The following LRP12 variants were observed in gnomAD, a reference collection of about 807,000 sequenced individuals.
LRP12 encodes low-density lipoprotein receptor-related protein 12.
LRP12 carries 14 observed loss-of-function variants against 66.0 expected under a neutral mutation model. The ratio of observed to expected loss-of-function variants is 0.21; its 90% CI spans 0.14 to 0.33. The LOEUF (loss-of-function observed/expected upper bound fraction) is 0.33, where lower values mean the gene tolerates loss of function less well. Ranked by LOEUF, LRP12 falls within the 10% of genes least tolerant of loss-of-function variation. LRP12 has a pLI of 1.00. For synonymous variants in LRP12, 357 were observed against 359.1 expected (o/e 0.99, Z 0.07); for missense variants, 889 against 1,053.4 (o/e 0.84, Z 2.16).
chr8:104,572,853 A>G (rs1812103819), intron 1 of LRP12, among the ~76,000 whole-genome samples: 1 of 152,130 alleles, frequency 6.6e-6, no homozygotes, highest in African/African-American at 2.4e-5. Context: ...TAAAAAACAT[A>G]ATTTCTATTT....
intron 3 of LRP12, chr8:104,507,264 A>T (rs956069254): frequency 6.6e-6 from 1 of 152,188 alleles, no homozygotes; most frequent in African/African-American, 2.4e-5. Flanking sequence ...TACTAAAATC[A>T]CCTTCTGATC....
intron 1 of LRP12, among the ~76,000 whole-genome samples, chr8:104,584,885 T>C (rs900545930): frequency 4.6e-5 from 7 of 152,224 alleles, no homozygotes; most frequent in Non-Finnish European, 8.8e-5. Context: ...CTTTCTAAAA[T>C]TGGAATTTCT....
chr8:104,508,158 C>T (rs529977899), intron 3 of LRP12: 8 of 152,116 alleles, frequency 5.3e-5, no homozygotes, highest in East Asian at 1.9e-4. Flanking sequence ...GTTCTTCATT[C>T]GGGCTATTTT....
At chr8:104,514,067 A>C (rs1453823406) in intron 2 of LRP12, among the ~76,000 whole-genome samples, 2 of 152,278 alleles carry the variant, frequency 1.3e-5, no homozygotes, top group East Asian at 3.9e-4. Flanking sequence ...GTTTTCAAGA[A>C]TTTTCAAGGA....
intron 3 of LRP12, chr8:104,505,992 A>T (rs1199521434): frequency 6.6e-6 from 1 of 152,098 alleles, no homozygotes; most frequent in East Asian, 1.9e-4. Context: ...AGCACTGGCC[A>T]CTCCACCACT....
At chr8:104,551,310 T>C (rs1811721890) in intron 1 of LRP12, among the ~76,000 whole-genome samples, 1 of 152,176 alleles carries the variant, frequency 6.6e-6, no homozygotes, top group African/African-American at 2.4e-5. Context: ...TTAGTACGTA[T>C]TGAGTTATAA....
intron 1 of LRP12, among the ~76,000 whole-genome samples, chr8:104,548,168 T>TA (rs1188655431): frequency 0.12 from 6,915 of 57,948 alleles, 313 homozygotes; most frequent in Admixed American, 0.14. Context: ...AATTATTATA[T>TA]ATAATATAAT....
At chr8:104,536,352 G>A (rs1047960196) in intron 1 of LRP12, among the ~76,000 whole-genome samples, 1 of 151,866 alleles carries the variant, frequency 6.6e-6, no homozygotes, top group Non-Finnish European at 1.5e-5. Context: ...GACTCCTTTA[G>A]CATCTGACAC....
chr8:104,504,768 T>C (rs527829450), intron 3 of LRP12: 1 of 152,182 alleles, frequency 6.6e-6, no homozygotes, highest in South Asian at 2.1e-4. Flanking sequence ...GTATTAAAGG[T>C]GTGTTAAAAA....
chr8:104,525,861 G>A (rs1811228849), intron 2 of LRP12, among the ~76,000 whole-genome samples: 1 of 152,088 alleles, frequency 6.6e-6, no homozygotes. Context: ...GAAAAAAAGG[G>A]TATTCAATTA....
intron 5 of LRP12, 105 bp from the exon 6 acceptor site, chr8:104,495,314 T>C: frequency 3.5e-6 from 4 of 1,159,150 alleles, no homozygotes; most frequent in Non-Finnish European, 5.0e-6. Context: ...GCATATTTGA[T>C]CATTTTAAAG....
At chr8:104,547,450 TAATATATAATTCTGTTATATTTTGTATAC>T (rs1564141312) in intron 1 of LRP12, among the ~76,000 whole-genome samples, 119 of 132,740 alleles carry the variant, frequency 9.0e-4, no homozygotes, top group African/African-American at 3.0e-3. Context: ...ATTTTGTATA[TAATATATAATTCTGTTATATTTTGTATAC>T]AATATATAAT....
chr8:104,567,106 C>T (rs1812016993), intron 1 of LRP12, among the ~76,000 whole-genome samples: 1 of 152,016 alleles, frequency 6.6e-6, no homozygotes, highest in Non-Finnish European at 1.5e-5. Context: ...TTGCCACTTC[C>T]ATTCAACACC....
At position 104,588,991 on chromosome 8, in the gene LRP12, CCGCCGCCGAGCCACCGG is replaced by C; in HGVS notation, c.-111_-95del. ...GCCGACGCCGCCGCCGCCGCCGCCG[CCGCCGCCGAGCCACCGG>C]CTGCTCCCTGCGCTCTCCGCGGCTG... On this transcript the variant is annotated 5_prime_UTR_variant, in exon 1 of 7. Coordinates refer to ENST00000276654, the MANE Select transcript of LRP12 (RefSeq NM_013437.5). 1.1e-6 allele frequency: 1 copy of C among 921,310 alleles called. No individual in the cohort carries two copies. The highest frequency in any genetic ancestry group is 1.7e-5 in the South Asian group (1 of 58,486). The allele number at this position is 921,310 out of a possible 1,614,324, so 57.1% of individuals were successfully genotyped here. A position where few individuals can be genotyped will look rare whatever the true frequency, so the allele number is the denominator to read the frequency against.
intron 2 of LRP12, among the ~76,000 whole-genome samples, chr8:104,527,385 A>G (rs947121326): frequency 1.3e-5 from 2 of 151,190 alleles, no homozygotes; most frequent in African/African-American, 4.9e-5. Flanking sequence ...ATGCACACCT[A>G]TGTTTACTGC....
intron 2 of LRP12, among the ~76,000 whole-genome samples, chr8:104,521,219 AATGAGCATTTCC>A (rs1811145699): frequency 6.6e-6 from 1 of 151,938 alleles, no homozygotes; most frequent in East Asian, 1.9e-4. Context: ...GAAATGCTCC[AATGAGCATTTCC>A]TTTGAGTGTT....
intron 2 of LRP12, among the ~76,000 whole-genome samples, chr8:104,525,755 C>T (rs546505182): frequency 0.031 from 4,650 of 152,134 alleles, 234 homozygotes; most frequent in African/African-American, 0.11. Context: ...GGAAGCATTC[C>T]CTTTGAAAAC....
At chr8:104,584,103 T>C (rs911444615) in intron 1 of LRP12, among the ~76,000 whole-genome samples, 1 of 151,944 alleles carries the variant, frequency 6.6e-6, no homozygotes, top group Non-Finnish European at 1.5e-5. Context: ...GAATAAATAA[T>C]GTACATCTAT....
intron 6 of LRP12, among the ~76,000 whole-genome samples, chr8:104,493,020 C>G (rs953858643): frequency 2.6e-5 from 4 of 152,116 alleles, no homozygotes; most frequent in African/African-American, 9.7e-5. Context: ...TGCTATTAGC[C>G]ATCAAGATCA....
Sources: allele counts gnomAD v4.1 joint callset (sites outside exome capture counted in the v4.1 genomes callset), GRCh38; gene constraint gnomAD v4.1.1; transcripts MANE v1.5; gene names NCBI Gene and HGNC (gene_info 2026-07-23, HGNC 2026-07-21).